PACS1: variants seen among roughly 807,000 people sequenced by gnomAD.
PACS1 encodes the protein PACS-1.
PACS1 carries 24 observed loss-of-function variants against 115.0 expected under a neutral mutation model. The ratio of observed to expected loss-of-function variants is 0.21; its 90% confidence interval spans 0.15 to 0.29. The LOEUF (loss-of-function observed/expected upper bound fraction) is 0.29. Among genes scored for constraint, PACS1 ranks in the 10% least tolerant of loss-of-function variants. The probability of loss-of-function intolerance (pLI) is 1.00; values close to 1 mark genes in which losing one functional copy is unlikely to be tolerated. For synonymous variants in PACS1, 453 were observed against 504.5 expected (o/e 0.90, Z 1.37); for missense variants, 838 against 1,251.2 (o/e 0.67, Z 4.98).
At chr11:66,093,691 C>T (rs1214757504) in intron 1 of PACS1, among the ~76,000 whole-genome samples, 12 of 146,402 alleles carry the variant, frequency 8.2e-5, no homozygotes, top group Non-Finnish European at 1.2e-4. Context: ...CTGCACCAAG[C>T]GGACCTAATA....
intron 2 of PACS1, among the ~76,000 whole-genome samples, chr11:66,195,150 G>T (rs2134676201): frequency 1.3e-5 from 2 of 152,300 alleles, no homozygotes; most frequent in Non-Finnish European, 2.9e-5. Flanking sequence ...GGAGGGAGAG[G>T]TTGCAGTGAG....
intron 5 of PACS1, 77 bp from the exon 6 acceptor site, chr11:66,216,443 A>G (rs1372372746): frequency 2.4e-5 from 35 of 1,466,878 alleles, no homozygotes; most frequent in Non-Finnish European, 2.8e-5. Context: ...AAAGAGAACC[A>G]TTGATTCCAG....
rs558195592 is a variant in PACS1 at position 66,164,353 on chromosome 11, T to C, written c.357-29133T>C. ...GCACAGTGACCCTGGGGTAATGATA[T>C]GGTAGGACATAATTGAACCTTTCTG... is the stretch of plus-strand genomic sequence containing the variant. On this transcript the variant is annotated intron_variant, in intron 1 of 23. Coordinates refer to ENST00000320580, the MANE Select transcript of PACS1 (RefSeq NM_018026.4). Among the ~76,000 whole-genome samples, 71 of 151,980 alleles carry C rather than the reference T, an allele frequency of 4.7e-4. 1 individual carries two copies. The highest frequency in any genetic ancestry group is 2.8e-3 in the Admixed American group (43 of 15,256).
chr11:66,221,298 C>T, intron 10 of PACS1, 51 bp downstream of exon 10: 1 of 1,465,988 alleles, frequency 6.8e-7, no homozygotes, highest in Non-Finnish European at 9.6e-7. Context: ...CATGTCAGGG[C>T]TCGACGCTCT....
At chr11:66,123,061 A>G (rs563965138) in intron 1 of PACS1, among the ~76,000 whole-genome samples, 1 of 152,314 alleles carries the variant, frequency 6.6e-6, no homozygotes, top group South Asian at 2.1e-4. Flanking sequence ...TCTTATTTTA[A>G]GAAATTGTCA....
At chr11:66,109,369 G>A (rs941589787) in intron 1 of PACS1, among the ~76,000 whole-genome samples, 7 of 152,086 alleles carry the variant, frequency 4.6e-5, no homozygotes, top group South Asian at 2.1e-4. Context: ...ACCAGCATGG[G>A]CAACATAGTG....
At chr11:66,241,682 A>G (rs373716690) in intron 22 of PACS1, 29 bp downstream of exon 22, 50 of 1,559,916 alleles carry the variant, frequency 3.2e-5, no homozygotes, top group Non-Finnish European at 3.8e-5. Context: ...GGGGAAGACC[A>G]TGGGCCACCA....
intron 1 of PACS1, among the ~76,000 whole-genome samples, chr11:66,133,950 G>A (rs187264940): frequency 3.9e-5 from 6 of 152,266 alleles, no homozygotes; most frequent in Non-Finnish European, 7.4e-5. Context: ...GTGATACTGG[G>A]CAAGTTGTTG....
At chr11:66,168,402 G>C (rs1466267990) in intron 1 of PACS1, among the ~76,000 whole-genome samples, 1 of 150,386 alleles carries the variant, frequency 6.6e-6, no homozygotes, top group African/African-American at 2.5e-5. Context: ...ACTCCATGCA[G>C]GTCTTGCACA....
At chr11:66,212,866 T>C (rs1040757332) in intron 4 of PACS1, among the ~76,000 whole-genome samples, 1 of 152,192 alleles carries the variant, frequency 6.6e-6, no homozygotes, top group South Asian at 2.1e-4. Flanking sequence ...TTATTTATTT[T>C]CGAGACAGAG....
chr11:66,198,368 T>G (rs1854695182), intron 2 of PACS1, among the ~76,000 whole-genome samples: 1 of 152,248 alleles, frequency 6.6e-6, no homozygotes, highest in Non-Finnish European at 1.5e-5. Context: ...GTCCATCAAC[T>G]GATCAATGGA....
chr11:66,118,078 C>T (rs752986279), intron 1 of PACS1, among the ~76,000 whole-genome samples: 9 of 152,136 alleles, frequency 5.9e-5, no homozygotes, highest in Non-Finnish European at 1.0e-4. Context: ...TCATTTTAAA[C>T]GTATGTTTGG....
chr11:66,210,034 T>G (rs1855033949), intron 2 of PACS1, among the ~76,000 whole-genome samples: 1 of 151,986 alleles, frequency 6.6e-6, no homozygotes, highest in Non-Finnish European at 1.5e-5. Flanking sequence ...TTTCTTTTTA[T>G]TATTGATATT....
At chr11:66,149,919 T>C (rs1042277178) in intron 1 of PACS1, among the ~76,000 whole-genome samples, 7 of 152,048 alleles carry the variant, frequency 4.6e-5, no homozygotes, top group Non-Finnish European at 1.0e-4. Context: ...CTGGCTAATT[T>C]TGTATTTTTA....
chr11:66,151,820 CTG>C (rs1266786955), intron 1 of PACS1, among the ~76,000 whole-genome samples: 1 of 152,102 alleles, frequency 6.6e-6, no homozygotes, highest in Non-Finnish European at 1.5e-5. Context: ...TGCAAAGCCA[CTG>C]TGCTATGATC....
chr11:66,169,744 A>C (rs1470717199), intron 1 of PACS1, among the ~76,000 whole-genome samples: 2 of 149,900 alleles, frequency 1.3e-5, no homozygotes, highest in African/African-American at 5.1e-5. Flanking sequence ...TGTTTTGCTA[A>C]TATTTTGTTT....
chr11:66,170,940 A>T (rs74235290), intron 1 of PACS1, among the ~76,000 whole-genome samples: 5,862 of 149,136 alleles, frequency 0.039, 751 homozygotes, highest in East Asian at 0.17. Context: ...ATTTGTTGGT[A>T]ACTTACTTTA....
intron 8 of PACS1, chr11:66,220,188 G>C (rs1590828605): frequency 3.0e-6 from 1 of 327,908 alleles, no homozygotes; most frequent in East Asian, 7.1e-5. Flanking sequence ...GTCAGCCCTG[G>C]AATAACCAGG....
intron 8 of PACS1, among the ~76,000 whole-genome samples, chr11:66,220,040 C>T (rs1212118534): frequency 6.6e-6 from 1 of 152,102 alleles, no homozygotes; most frequent in Non-Finnish European, 1.5e-5. Context: ...ACGCCCGACC[C>T]TTGGTGATGC....
Sources: gnomAD v4.1 joint callset for allele counts (sites outside exome capture counted in the v4.1 genomes callset) on GRCh38, gnomAD v4.1.1 for gene constraint, MANE v1.5 for transcripts, NCBI Gene and HGNC (gene_info 2026-07-23, HGNC 2026-07-21) for gene names.